DNAH17: variants seen among roughly 807,000 people sequenced by gnomAD.
DNAH17 encodes axonemal beta dynein heavy chain 17.
In DNAH17, 376 loss-of-function variants were observed where a neutral mutation model predicts 485.6. The ratio of observed to expected loss-of-function variants is 0.77; its 90% CI spans 0.71 to 0.84. The LOEUF is 0.84. DNAH17 is among the 40% of genes least tolerant of loss of function. The probability of loss-of-function intolerance (pLI) is 0.00; values close to 1 mark genes in which losing one functional copy is unlikely to be tolerated. For synonymous variants in DNAH17, 3,031 were observed against 2,405.9 expected, an observed-to-expected ratio of 1.26 and a Z score of -7.60; for missense variants, 6,370 against 5,839.3, an observed-to-expected ratio of 1.09 and a Z score of -2.96.
At chr17:78,467,915 A>T (rs750715482) in intron 55 of DNAH17, among the ~76,000 whole-genome samples, 5 of 151,908 alleles carry the variant, frequency 3.3e-5, no homozygotes, top group Non-Finnish European at 7.4e-5. Flanking sequence ...CTACTCAGGA[A>T]GCTGAGGCTG....
Position 78,436,399 on chromosome 17 carries a change from G to C in DNAH17, c.12033+1242C>G, listed in dbSNP as rs374358939. Among the ~76,000 whole-genome samples, 9 of 152,260 alleles carry C rather than the reference G, an allele frequency of 5.9e-5. 1 individual carries two copies. The East Asian group carries it at 7.7e-4, about 13-fold the overall frequency. On this transcript the variant is annotated intron_variant, in intron 74 of 80. Transcript: ENST00000389840. ...GCCGAGGTTGTGCCCTTGCACTCCA[G>C]CCTGGGCAATAAGAGCGAAACTCCA...
intron 16 of DNAH17, 36 bp from the exon 17 acceptor site, chr17:78,544,033 T>G: frequency 6.2e-7 from 1 of 1,612,950 alleles, no homozygotes; most frequent in African/African-American, 1.3e-5. Context: ...AAAGGTGTTC[T>G]GGAGAAACTG....
chr17:78,453,557 G>A, intron 64 of DNAH17, 92 bp from the exon 65 acceptor site: 5 of 1,527,576 alleles, frequency 3.3e-6, no homozygotes, highest in Admixed American at 1.9e-5. Flanking sequence ...CCCTCTGAGC[G>A]AGACAGCGCC....
intron 55 of DNAH17, among the ~76,000 whole-genome samples, chr17:78,468,313 C>G (rs633658): frequency 0.89 from 134,770 of 152,224 alleles, 59,950 homozygotes; most frequent in East Asian, 0.98. Flanking sequence ...TTATATCGGG[C>G]CCTTGAGCAT....
In DNAH17 at chr17:78,504,894, C is replaced by CTTT. The variant is rs66596656; in HGVS notation, c.4956+396_4956+398dup. 6.4e-4 allele frequency among the ~76,000 whole-genome samples: 38 copies of CTTT among 58,974 alleles called. 5 individuals carry two copies. Among genetic ancestry groups the CTTT allele is most frequent in the African/African-American group, 2.1e-3 (30 of 14,228 alleles). The allele number at this position is 58,974 out of a possible 152,430, so 38.7% of individuals were successfully genotyped here. On this transcript the variant is annotated intron_variant, in intron 31 of 80. Coordinates refer to ENST00000389840, the MANE Select transcript of DNAH17 (RefSeq NM_173628.4). ...AAAGGATTCAATGATATTAACAGGG[C>CTTT]TTTTTTTTTTTTTTTTTTTTTTTTT...
rs776700403 is a variant in DNAH17 at position 78,544,001 on chromosome 17, G to T, written c.2392-4C>A. 1.2e-6 allele frequency: 2 copies of T among 1,613,856 alleles called. No individual in the cohort carries two copies. The highest frequency in any genetic ancestry group is 1.6e-4 in the Middle Eastern group (1 of 6,082). The stretch of plus-strand genomic sequence containing the variant: ...ACAGCGGGTTGGCCGACCAGTCCTG[G>T]AAGGAAAGCACAGGAGTGAGAAAAG... On this transcript the variant is annotated splice_region_variant and splice_polypyrimidine_tract_variant and intron_variant, in intron 16 of 80. Coordinates refer to ENST00000389840, the MANE Select transcript of DNAH17 (RefSeq NM_173628.4).
chr17:78,429,064 C>T, intron 76 of DNAH17, 57 bp downstream of exon 76: 1 of 1,563,628 alleles, frequency 6.4e-7, no homozygotes. Context: ...GGCAGGCTCT[C>T]ACCGGGAGGC....
rs745480857 is a variant in DNAH17 at position 78,426,583 on chromosome 17, C to T, written c.12789G>A (p.Thr4263=). The T allele has an allele frequency of 1.7e-5, 27 of 1,610,104 alleles. 1 individual carries two copies. The South Asian group carries it at 2.0e-4, about 12-fold the overall frequency. ...NLGLKGELTI[T]TDVEDLSTAL... ...CCGTGGACAGATCTTCCACGTCGGT[C>T]GTGATGGTCAGTTCTCCCTAGGAGA... The change falls in exon 79 of 81, where the codon ACG becomes ACA. Residue 4263 remains threonine (T), a synonymous_variant. Coordinates refer to ENST00000389840, the MANE Select transcript of DNAH17 (RefSeq NM_173628.4).
chr17:78,501,697 G>A lies in DNAH17; in HGVS notation c.5322+45C>T, dbSNP rs547177939. The stretch of plus-strand genomic sequence containing the variant: ...CTGAATGCACTGCCCTGAACCCGGT[G>A]TCCCCTTGCCCTTCCCCTGGCCCCT... On this transcript the variant is annotated intron_variant, in intron 34 of 80. Transcript: ENST00000389840. 4.7e-4 allele frequency: 747 copies of A among 1,599,616 alleles called. 1 individual carries two copies. The highest frequency in any genetic ancestry group is 3.1e-3 in the South Asian group (283 of 90,818).
At chr17:78,524,461 A>T (rs1299020539) in intron 25 of DNAH17, among the ~76,000 whole-genome samples, 1 of 151,868 alleles carries the variant, frequency 6.6e-6, no homozygotes, top group African/African-American at 2.4e-5. Context: ...TATAAAAGGG[A>T]CCCTGGAGCG....
chr17:78,502,716 C>T lies in DNAH17; in HGVS notation c.5083-18G>A, dbSNP rs760099694. The T allele has an allele frequency of 3.1e-6, 5 of 1,608,288 alleles. No individual in the cohort carries two copies. Among genetic ancestry groups the T allele is most frequent in the Non-Finnish European group, 4.2e-6 (5 of 1,179,114 alleles). On this transcript the variant is annotated intron_variant, in intron 32 of 80. Coordinates refer to ENST00000389840, the MANE Select transcript of DNAH17 (RefSeq NM_173628.4). ...AGGGCCACCTGAAAGTACATACCCC[C>T]CATTGCCCACGCAGTGAGCGATCGC...
chr17:78,469,002 C>T (rs760903032), intron 54 of DNAH17, 119 bp from the exon 55 acceptor site: 214 of 1,311,158 alleles, frequency 1.6e-4, no homozygotes, highest in Non-Finnish European at 2.1e-4. Context: ...CTCGCTCTGT[C>T]GCCCAGGCTG....
At position 78,525,021 on chromosome 17, in the gene DNAH17, GTCCCAGAGCTCCTTCAGTAGGCGGA is replaced by G; in HGVS notation, c.3827_3851del (p.Val1276AlafsTer6). 1 of 1,613,078 alleles carries G rather than the reference GTCCCAGAGCTCCTTCAGTAGGCGGA, an allele frequency of 6.2e-7. No homozygotes were observed. On this transcript the variant is annotated frameshift_variant, in exon 25 of 81. Coordinates refer to ENST00000389840, the MANE Select transcript of DNAH17 (RefSeq NM_173628.4). LOFTEE classifies it high-confidence loss of function. The stretch of plus-strand genomic sequence containing the variant: ...GCCCTGCACTCACCACAACAACCAT[GTCCCAGAGCTCCTTCAGTAGGCGGA>G]CCTCCCGGTGGCAGGCCTTGAGCTG...
intron 58 of DNAH17, among the ~76,000 whole-genome samples, chr17:78,461,312 G>A (rs1598489257): frequency 6.6e-6 from 1 of 152,238 alleles, no homozygotes; most frequent in African/African-American, 2.4e-5. Context: ...GGCTGAACAT[G>A]GAGGAGCTCG....
intron 17 of DNAH17, among the ~76,000 whole-genome samples, chr17:78,541,609 C>T (rs1772308036): frequency 6.6e-6 from 1 of 151,998 alleles, no homozygotes; most frequent in Non-Finnish European, 1.5e-5. Context: ...GAGTTGTGCA[C>T]AAGAGACAAC....
At position 78,553,290 on chromosome 17, in the gene DNAH17, T is replaced by G. The variant is rs796777240; in HGVS notation, c.2179-485A>C. Among the ~76,000 whole-genome samples the G allele has an allele frequency of 1.6e-3, 55 of 35,104 alleles. 2 individuals carry two copies. In the East Asian group the frequency reaches 0.018, roughly 11 times the overall value. 23.0% of individuals were successfully genotyped at this position (35,104 alleles called of 152,430 possible). Reference sequence around the variant, plus strand: ...CCAGTCCCAGGTTTTTGTGTTTTTTTTTTTTTTTTTTTTTTTTTTTTTTTT... The same window carrying G: ...CCAGTCCCAGGTTTTTGTGTTTTTTGTTTTTTTTTTTTTTTTTTTTTTTTT... On this transcript the variant is annotated intron_variant, in intron 14 of 80. Coordinates refer to ENST00000389840, the MANE Select transcript of DNAH17 (RefSeq NM_173628.4).
chr17:78,542,586 A>G (rs1481191875), intron 17 of DNAH17, among the ~76,000 whole-genome samples: 1 of 152,214 alleles, frequency 6.6e-6, no homozygotes, highest in Non-Finnish European at 1.5e-5. Flanking sequence ...AACCCCTACA[A>G]TACAATGTCA....
chr17:78,434,314 T>G, intron 74 of DNAH17, 94 bp from the exon 75 acceptor site: 5 of 1,230,814 alleles, frequency 4.1e-6, no homozygotes, highest in Admixed American at 4.9e-5. Flanking sequence ...CCTTGCCAGA[T>G]GCTTTGCTAG....
intron 34 of DNAH17, 94 bp from the exon 35 acceptor site, chr17:78,501,438 C>T: frequency 7.0e-7 from 1 of 1,438,522 alleles, no homozygotes; most frequent in Admixed American, 2.3e-5. Context: ...CGGTCCCCTG[C>T]TGCCCAGGGA....
Sources: allele counts gnomAD v4.1 joint callset (sites outside exome capture counted in the v4.1 genomes callset), GRCh38; gene constraint gnomAD v4.1.1; transcripts MANE v1.5; gene names NCBI Gene and HGNC (gene_info 2026-07-23, HGNC 2026-07-21).